ARHGEF6: variants seen among roughly 807,000 people sequenced by gnomAD.
ARHGEF6 encodes Rac/Cdc42 guanine nucleotide exchange factor 6.
In ARHGEF6, 9 loss-of-function variants were observed where a neutral mutation model predicts 70.3. The ratio of observed to expected loss-of-function variants is 0.13; its 90% CI spans 0.08 to 0.22. The LOEUF (loss-of-function observed/expected upper bound fraction) is 0.22, where lower values mean the gene tolerates loss of function less well. Ranked by LOEUF, ARHGEF6 falls within the 10% of genes least tolerant of loss-of-function variation. The pLI is 1.00. For missense variants in ARHGEF6, 470 were observed against 563.0 expected, an observed-to-expected ratio of 0.83 and a Z score of 1.67; for synonymous variants, 201 against 207.8, an observed-to-expected ratio of 0.97 and a Z score of 0.28.
At chrX:136,749,102 A>G (rs759426887) in intron 2 of ARHGEF6, among the ~76,000 whole-genome samples, 1 of 112,350 alleles carries the variant, frequency 8.9e-6, no homozygotes, top group East Asian at 2.8e-4. Context: ...TAATATTACT[A>G]AAGAGTTAAA....
At chrX:136,679,729 G>A (rs942709025) in intron 15 of ARHGEF6, 69 bp from the exon 16 acceptor site, 3 of 1,150,813 alleles carry the variant, frequency 2.6e-6, no homozygotes, top group Non-Finnish European at 3.6e-6. Flanking sequence ...CACAGTGAGA[G>A]AACAACAATA....
chrX:136,730,730 A>G (rs941471246), intron 6 of ARHGEF6, among the ~76,000 whole-genome samples: 1 of 112,145 alleles, frequency 8.9e-6, no homozygotes, highest in Non-Finnish European at 1.9e-5. Flanking sequence ...TAGAAACAAC[A>G]CACGTCTTCC....
chrX:136,713,002 C>CTTTTTTT (rs1191937145), intron 7 of ARHGEF6, among the ~76,000 whole-genome samples: 1 of 102,437 alleles, frequency 9.8e-6, no homozygotes. Flanking sequence ...AAGCACATCA[C>CTTTTTTT]TTTTTTTTTT....
chrX:136,684,836 C>T (rs2076368164), intron 12 of ARHGEF6, among the ~76,000 whole-genome samples: 1 of 111,911 alleles, frequency 8.9e-6, no homozygotes, highest in Admixed American at 9.4e-5. Context: ...TCTTAGGGGA[C>T]TCCTTCTCAC....
chrX:136,675,722 A>G (rs1001875227), intron 18 of ARHGEF6, among the ~76,000 whole-genome samples: 4 of 109,367 alleles, frequency 3.7e-5, no homozygotes, highest in East Asian at 2.9e-4. Flanking sequence ...AGGTTTCACC[A>G]TGTTAGCCAG....
At chrX:136,695,331 A>G (rs1246635063) in intron 9 of ARHGEF6, among the ~76,000 whole-genome samples, 1 of 112,611 alleles carries the variant, frequency 8.9e-6, no homozygotes, top group African/African-American at 3.2e-5. Flanking sequence ...TTCAAGGGAT[A>G]TTATAAAATT....
intron 18 of ARHGEF6, 137 bp downstream of exon 18, chrX:136,676,487 C>A (rs778556618): frequency 1.0e-5 from 5 of 481,432 alleles, no homozygotes; most frequent in Non-Finnish European, 1.8e-5. Flanking sequence ...GCTTTCCATG[C>A]ATTCTTCTTT....
chrX:136,750,619 C>T (rs1259787276), intron 2 of ARHGEF6, among the ~76,000 whole-genome samples: 1 of 111,838 alleles, frequency 8.9e-6, no homozygotes, highest in Non-Finnish European at 1.9e-5. Flanking sequence ...ACTTCTTAGA[C>T]TACGGCTAGA....
intron 17 of ARHGEF6, 190 bp from the exon 18 acceptor site, chrX:136,676,907 A>C: frequency 4.7e-6 from 2 of 427,846 alleles, no homozygotes; most frequent in Admixed American, 6.6e-5. Flanking sequence ...AACAGAGGCA[A>C]TGACATTATC....
rs2076396691 is a variant in ARHGEF6, at chrX:136,686,629, T to TATATATATATATATATATATATACAC, written c.1246-807_1246-806insGTGTATATATATATATATATATATAT. On this transcript the variant is annotated intron_variant, in intron 11 of 21. Coordinates refer to ENST00000250617, the MANE Select transcript of ARHGEF6 (RefSeq NM_004840.3). ...ATATATATATATATATATACACATA[T>TATATATATATATATATATATATACAC]ATATATATATATACACACATATATA... Among the ~76,000 whole-genome samples, 6 of 74,122 alleles carry TATATATATATATATATATATATACAC rather than the reference T, an allele frequency of 8.1e-5. No homozygotes were observed. In the East Asian group the frequency reaches 1.4e-3, roughly 18 times the overall value. 64.4% of individuals were successfully genotyped at this position (74,122 alleles called of 115,157 possible). A position where few individuals can be genotyped will look rare whatever the true frequency, so the allele number is the denominator to read the frequency against.
chrX:136,758,028 A>ATTTTTTTTT (rs1569421949), intron 2 of ARHGEF6, among the ~76,000 whole-genome samples: 3 of 29,746 alleles, frequency 1.0e-4, no homozygotes, highest in African/African-American at 4.2e-4. Context: ...CTAAAAATAA[A>ATTTTTTTTT]TTCTTTTTTT....
chrX:136,745,885 G>C (rs775903464), intron 3 of ARHGEF6, among the ~76,000 whole-genome samples: 4 of 111,535 alleles, frequency 3.6e-5, no homozygotes, highest in Non-Finnish European at 7.5e-5. Flanking sequence ...CTTGATACTA[G>C]AATAATTTTT....
At position 136,680,891 on chromosome X, in the gene ARHGEF6, T is replaced by C. The variant is rs773875309; in HGVS notation, c.1559-15A>G. On this transcript the variant is annotated splice_polypyrimidine_tract_variant and intron_variant, in intron 14 of 21. Coordinates refer to ENST00000250617, the MANE Select transcript of ARHGEF6 (RefSeq NM_004840.3). ...CACTGTGTTACCTACATCCCCCAAT[T>C]ATGATCAGTTTGAAAACAAAAGGCA... 2 of 1,211,003 alleles carry C rather than the reference T, an allele frequency of 1.7e-6. No homozygotes were observed. Among genetic ancestry groups the C allele is most frequent in the Admixed American group, 4.3e-5 (2 of 46,026 alleles).
Position 136,780,739 on chromosome X carries a change from G to A in ARHGEF6, c.144C>T (p.Leu48=). The A allele has an allele frequency of 8.3e-7, 1 of 1,211,294 alleles. No individual in the cohort carries two copies. Among genetic ancestry groups the A allele is most frequent in the South Asian group, 1.8e-5 (1 of 56,972 alleles). Residue 48 remains leucine, a synonymous_variant, in exon 1 of 22, where the codon CTC becomes CTT. Transcript: ENST00000250617. ...TTACCTTTTCCACAGAGCCAGGCATGAGTCTGTTGATCAGTTTGCACAGAA... is the reference window on the plus strand; with the variant it reads ...TTACCTTTTCCACAGAGCCAGGCATAAGTCTGTTGATCAGTTTGCACAGAA... The part of the protein sequence containing the change: ...GVVLCKLINR[L]MPGSVEKFCL...
At position 136,747,420 on chromosome X, in the gene ARHGEF6, T is replaced by C. The variant is rs1310549024; in HGVS notation, c.334+88A>G. The C allele has an allele frequency of 6.9e-6, 6 of 871,707 alleles. No individual in the cohort carries two copies. The African/African-American group carries it at 1.2e-4, about 17-fold the overall frequency. The allele number at this position is 871,707 out of a possible 1,213,427, so 71.8% of individuals were successfully genotyped here. On this transcript the variant is annotated intron_variant, in intron 3 of 21. Coordinates refer to ENST00000250617, the MANE Select transcript of ARHGEF6 (RefSeq NM_004840.3). ...GGGAAAATTTGCATCACGAGAACAA[T>C]CCTGGCCAGAGTTGGCTCCTAGGGT...
At chrX:136,769,270 G>C (rs1386370301) in intron 2 of ARHGEF6, among the ~76,000 whole-genome samples, 1 of 110,282 alleles carries the variant, frequency 9.1e-6, no homozygotes, top group Admixed American at 9.7e-5. Flanking sequence ...AAATTTGCGG[G>C]GCATGATGGC....
chrX:136,727,365 C>CT (rs2076870549), intron 6 of ARHGEF6, among the ~76,000 whole-genome samples: 1 of 66,144 alleles, frequency 1.5e-5, no homozygotes, highest in African/African-American at 6.4e-5. Flanking sequence ...TTCTTTCTTT[C>CT]TTTCTTTCTT....
At chrX:136,710,816 A>G (rs976075237) in intron 7 of ARHGEF6, among the ~76,000 whole-genome samples, 1 of 111,536 alleles carries the variant, frequency 9.0e-6, no homozygotes, top group Non-Finnish European at 1.9e-5. Context: ...AGAAAAAAAA[A>G]CAAATAATCC....
chrX:136,737,177 T>C (rs145567332), intron 5 of ARHGEF6, among the ~76,000 whole-genome samples: 1,347 of 112,082 alleles, frequency 0.012, 22 homozygotes, highest in African/African-American at 0.042. Context: ...TGTATGGCAA[T>C]GGGGTTTAAA....
Sources: gnomAD v4.1 joint callset for allele counts (sites outside exome capture counted in the v4.1 genomes callset) on GRCh38, gnomAD v4.1.1 for gene constraint, MANE v1.5 for transcripts, NCBI Gene and HGNC (gene_info 2026-07-23, HGNC 2026-07-21) for gene names.